The following PPM1B variants were observed in gnomAD, a reference collection of about 807,000 sequenced individuals.
PPM1B encodes protein phosphatase, Mg2+/Mn2+ dependent 1B.
Under a neutral mutation model 43.0 loss-of-function variants are expected in PPM1B, and 22 were observed. That is an observed-to-expected ratio of 0.51 (90% CI 0.37 to 0.73). The LOEUF (loss-of-function observed/expected upper bound fraction) is 0.73. Ranked by LOEUF, PPM1B falls within the 30% of genes least tolerant of loss-of-function variation. The pLI is 0.00. For missense variants in PPM1B, 632 were observed against 584.2 expected (o/e 1.08, Z -0.84); for synonymous variants, 217 against 197.9 (o/e 1.10, Z -0.81).
At chr2:44,236,134 G>A (rs1670604695), downstream of PPM1B, among the ~76,000 whole-genome samples, 4 of 151,864 alleles carry the variant, frequency 2.6e-5, no homozygotes, top group East Asian at 1.9e-4. Context: ...AGTGGCTCAC[G>A]CCTGTAATCC....
At chr2:44,214,404 C>CA (rs1215117990) in intron 3 of PPM1B, among the ~76,000 whole-genome samples, 4 of 148,372 alleles carry the variant, frequency 2.7e-5, no homozygotes, top group African/African-American at 9.9e-5. Context: ...TAAATTGTTA[C>CA]AAAAAAAGCT....
intron 5 of PPM1B, among the ~76,000 whole-genome samples, chr2:44,239,969 C>G (rs1348628774): frequency 6.9e-6 from 1 of 145,788 alleles, no homozygotes; most frequent in Non-Finnish European, 1.5e-5. Flanking sequence ...GTGCTGACAT[C>G]TAGCAGGTAT....
intron 2 of PPM1B, among the ~76,000 whole-genome samples, chr2:44,204,370 G>A (rs1405226339): frequency 1.3e-5 from 2 of 152,176 alleles, no homozygotes; most frequent in African/African-American, 2.4e-5. Flanking sequence ...GTTACCTGCT[G>A]TAAGAGGAGA....
At chr2:44,188,833 C>G (rs1367476051) in intron 1 of PPM1B, among the ~76,000 whole-genome samples, 1 of 150,270 alleles carries the variant, frequency 6.7e-6, no homozygotes, top group African/African-American at 2.4e-5. Flanking sequence ...ACCTCCTCCC[C>G]CTCCCGCTCT....
At chr2:44,245,002 A>G (rs1670830234), downstream of PPM1B, among the ~76,000 whole-genome samples, 1 of 151,958 alleles carries the variant, frequency 6.6e-6, no homozygotes, top group Non-Finnish European at 1.5e-5. Flanking sequence ...ACAATACTAA[A>G]CTAATGAAAT....
At chr2:44,215,179 T>A (rs1205176755) in intron 3 of PPM1B, among the ~76,000 whole-genome samples, 3 of 152,184 alleles carry the variant, frequency 2.0e-5, no homozygotes, top group Non-Finnish European at 4.4e-5. Flanking sequence ...TCAATTTAAG[T>A]TGGTACTTAA....
At chr2:44,175,383 A>T (rs1667533830) in intron 1 of PPM1B, among the ~76,000 whole-genome samples, 1 of 152,232 alleles carries the variant, frequency 6.6e-6, no homozygotes, top group Non-Finnish European at 1.5e-5. Flanking sequence ...CAACCCACTG[A>T]GAAGTAAAGA....
chr2:44,231,578 C>T (rs192619281), downstream of PPM1B: 16 of 558,024 alleles, frequency 2.9e-5, no homozygotes, highest in East Asian at 1.8e-3. Context: ...ACATTTAGAA[C>T]ACTTTTGGCT....
Position 44,213,041 on chromosome 2 carries a change from T to C in PPM1B, c.964+3714T>C, listed in dbSNP as rs1440778484. 8.0e-5 allele frequency among the ~76,000 whole-genome samples: 12 copies of C among 149,210 alleles called. 1 individual carries two copies. The East Asian group carries it at 2.1e-3, about 27-fold the overall frequency. ...AAAAAAAAAAAAAAAAAATTCCATTTAGTAAAAAGGAAAAAATTTAGTGGT... is the reference window on the plus strand; with the variant it reads ...AAAAAAAAAAAAAAAAAATTCCATTCAGTAAAAAGGAAAAAATTTAGTGGT... On this transcript the variant is annotated intron_variant, in intron 3 of 5. Coordinates refer to ENST00000282412, the MANE Select transcript of PPM1B (RefSeq NM_002706.6).
At chr2:44,223,479 A>G (rs936221611) in intron 5 of PPM1B, among the ~76,000 whole-genome samples, 1 of 152,020 alleles carries the variant, frequency 6.6e-6, no homozygotes, top group African/African-American at 2.4e-5. Flanking sequence ...CTTTTTATTC[A>G]CTTGTCAAAG....
chr2:44,229,631 G>T (rs1219347805), intron 5 of PPM1B, among the ~76,000 whole-genome samples: 1 of 152,070 alleles, frequency 6.6e-6, no homozygotes. Flanking sequence ...TTTTTGGCAC[G>T]AATACAGGAC....
intron 1 of PPM1B, among the ~76,000 whole-genome samples, chr2:44,188,389 C>CT (rs1236238969): frequency 6.0e-4 from 71 of 118,728 alleles, no homozygotes; most frequent in African/African-American, 2.2e-3. Flanking sequence ...TTCTTTCTTT[C>CT]TTTCTTTTTT....
intron 1 of PPM1B, among the ~76,000 whole-genome samples, chr2:44,170,675 G>T (rs537067483): frequency 5.3e-5 from 8 of 151,140 alleles, no homozygotes; most frequent in Non-Finnish European, 1.5e-5. Flanking sequence ...AGTTCCTATT[G>T]TTGGCCTACT....
intron 3 of PPM1B, among the ~76,000 whole-genome samples, chr2:44,214,486 T>C (rs932844801): frequency 3.2e-4 from 48 of 151,982 alleles, no homozygotes; most frequent in African/African-American, 1.1e-3. Context: ...GCAGTAGATA[T>C]AGGGACCACT....
chr2:44,179,045 G>A (rs1379547242), intron 1 of PPM1B, among the ~76,000 whole-genome samples: 2 of 152,178 alleles, frequency 1.3e-5, no homozygotes, highest in Non-Finnish European at 2.9e-5. Flanking sequence ...GACCCCATGG[G>A]AGGTAATTGA....
chr2:44,207,485 C>CA (rs1255312362), intron 2 of PPM1B, among the ~76,000 whole-genome samples: 1 of 151,952 alleles, frequency 6.6e-6, no homozygotes, highest in Non-Finnish European at 1.5e-5. Context: ...CTTAGAAACT[C>CA]AGTTAAAGTA....
intron 3 of PPM1B, among the ~76,000 whole-genome samples, chr2:44,214,362 C>A (rs1003760703): frequency 6.6e-6 from 1 of 151,974 alleles, no homozygotes; most frequent in Non-Finnish European, 1.5e-5. Flanking sequence ...AGCCACTGCG[C>A]CCGACCCCAT....
At chr2:44,228,289 C>G (rs1439516038) in intron 5 of PPM1B, among the ~76,000 whole-genome samples, 1 of 141,006 alleles carries the variant, frequency 7.1e-6, no homozygotes, top group East Asian at 2.0e-4. Flanking sequence ...CTCGACTTAG[C>G]TCAACCTCTC....
At chr2:44,231,858 T>C (rs1372626092), downstream of PPM1B, among the ~76,000 whole-genome samples, 1 of 152,192 alleles carries the variant, frequency 6.6e-6, no homozygotes, top group Non-Finnish European at 1.5e-5. Context: ...AGTTTTTGTT[T>C]AAAGGGATTT....
Sources: allele counts gnomAD v4.1 joint callset (sites outside exome capture counted in the v4.1 genomes callset), GRCh38; gene constraint gnomAD v4.1.1; transcripts MANE v1.5; gene names NCBI Gene and HGNC (gene_info 2026-07-23, HGNC 2026-07-21).